ZDHHC20: variants seen among roughly 807,000 people sequenced by gnomAD.
The protein encoded by ZDHHC20 is palmitoyltransferase ZDHHC20.
In ZDHHC20, 43 loss-of-function variants were observed where a neutral mutation model predicts 57.8. The ratio of observed to expected loss-of-function variants is 0.74; its 90% confidence interval spans 0.58 to 0.96. The LOEUF is 0.96. ZDHHC20 is among the 40% of genes least tolerant of loss of function. ZDHHC20 has a pLI of 0.00. For missense variants in ZDHHC20, 391 were observed against 441.1 expected, an observed-to-expected ratio of 0.89 and a Z score of 1.02; for synonymous variants, 157 against 153.0, an observed-to-expected ratio of 1.03 and a Z score of -0.19.
At chr13:21,440,196 A>G (rs1288222590) in intron 1 of ZDHHC20, among the ~76,000 whole-genome samples, 1 of 142,332 alleles carries the variant, frequency 7.0e-6, no homozygotes, top group Non-Finnish European at 1.5e-5. Context: ...GAATGAGTGA[A>G]TGAATGAATG....
At chr13:21,433,755 T>A (rs1015376406) in intron 1 of ZDHHC20, among the ~76,000 whole-genome samples, 33 of 152,250 alleles carry the variant, frequency 2.2e-4, no homozygotes, top group African/African-American at 7.7e-4. Flanking sequence ...GGAGAAGTAA[T>A]GTCTTTGAAA....
chr13:21,431,838 T>C (rs1178568973), intron 1 of ZDHHC20, among the ~76,000 whole-genome samples: 2 of 152,256 alleles, frequency 1.3e-5, no homozygotes, highest in African/African-American at 2.4e-5. Context: ...GAGTTCTTCA[T>C]ATATTCTGGA....
chr13:21,386,608 G>GC (rs757599262), intron 9 of ZDHHC20, among the ~76,000 whole-genome samples: 2 of 152,136 alleles, frequency 1.3e-5, no homozygotes, highest in Non-Finnish European at 2.9e-5. Context: ...CAATGTGTTG[G>GC]CACCATCTCA....
intron 2 of ZDHHC20, among the ~76,000 whole-genome samples, chr13:21,424,348 AG>A (rs1156701832): frequency 6.6e-6 from 1 of 152,216 alleles, no homozygotes; most frequent in African/African-American, 2.4e-5. Flanking sequence ...CTCTGTGTTC[AG>A]AAGTTCAAAA....
intron 1 of ZDHHC20, among the ~76,000 whole-genome samples, chr13:21,445,347 G>C (rs1295862791): frequency 6.6e-6 from 1 of 152,018 alleles, no homozygotes; most frequent in Non-Finnish European, 1.5e-5. Context: ...TAACCTATGA[G>C]TCTTTGTTTT....
At chr13:21,403,142 G>A (rs558164630) in intron 4 of ZDHHC20, among the ~76,000 whole-genome samples, 10 of 152,178 alleles carry the variant, frequency 6.6e-5, no homozygotes, top group Middle Eastern at 3.4e-3. Context: ...CAAACACCAG[G>A]GTGAGTAGCA....
intron 8 of ZDHHC20, 128 bp downstream of exon 8, chr13:21,391,594 C>A: frequency 1.9e-6 from 2 of 1,026,446 alleles, no homozygotes; most frequent in Non-Finnish European, 2.7e-6. Flanking sequence ...TTATTAGGCA[C>A]GTGCCACCAA....
rs756337599 is a variant in ZDHHC20 at position 21,376,367 on chromosome 13, T to C, written c.*329A>G. The C allele has an allele frequency of 1.8e-4, 42 of 228,484 alleles. No homozygotes were observed. Among genetic ancestry groups the C allele is most frequent in the Admixed American group, 1.3e-3 (22 of 17,442 alleles). 14.2% of individuals were successfully genotyped at this position (228,484 alleles called of 1,614,324 possible). On this transcript the variant is annotated 3_prime_UTR_variant, in exon 13 of 13. Coordinates refer to ENST00000400590, the MANE Select transcript of ZDHHC20 (RefSeq NM_001330059.2). ...TCAGGTATCAAAAAATACATATGCATGTTAAAATGTGATGACAGCTCATAT... is the reference window on the plus strand; with the variant it reads ...TCAGGTATCAAAAAATACATATGCACGTTAAAATGTGATGACAGCTCATAT...
chr13:21,435,845 C>G lies in ZDHHC20; in HGVS notation c.119-10167G>C, dbSNP rs1882487229. On this transcript the variant is annotated intron_variant, in intron 1 of 12. Coordinates refer to ENST00000400590, the MANE Select transcript of ZDHHC20 (RefSeq NM_001330059.2). ...AGGTTGGGTTCTCTGGAATCAGATG[C>G]TAAGACAGAGTTTGGGGTGCAATGT... 3.3e-5 allele frequency among the ~76,000 whole-genome samples: 5 copies of G among 152,208 alleles called. No homozygotes were observed. The South Asian group carries it at 1.0e-3, about 31-fold the overall frequency.
intron 1 of ZDHHC20, among the ~76,000 whole-genome samples, chr13:21,434,462 TTCCTCA>T (rs1352474500): frequency 6.6e-6 from 1 of 152,228 alleles, no homozygotes; most frequent in African/African-American, 2.4e-5. Flanking sequence ...ACAAACATTA[TTCCTCA>T]TTTAGTCTTA....
chr13:21,420,104 T>C (rs1273041254), intron 3 of ZDHHC20, among the ~76,000 whole-genome samples: 1 of 152,046 alleles, frequency 6.6e-6, no homozygotes, highest in Non-Finnish European at 1.5e-5. Flanking sequence ...CTGACCAACA[T>C]GGGGAAATCC....
At position 21,456,995 on chromosome 13, in the gene ZDHHC20, C is replaced by T. The variant is rs9506684; in HGVS notation, c.118+2059G>A. Among the ~76,000 whole-genome samples the T allele has an allele frequency of 3.9e-5, 6 of 152,200 alleles. No individual in the cohort carries two copies. The South Asian group carries it at 1.0e-3, about 26-fold the overall frequency. On this transcript the variant is annotated intron_variant, in intron 1 of 12. Coordinates refer to ENST00000400590, the MANE Select transcript of ZDHHC20 (RefSeq NM_001330059.2). ...TGTGACCTAACCAAAAGGACCTATT[C>T]GCTCAGTCTCACGTCCTCCACCTGT... is the stretch of plus-strand genomic sequence containing the variant.
intron 1 of ZDHHC20, among the ~76,000 whole-genome samples, chr13:21,428,590 G>A (rs773017437): frequency 4.0e-5 from 6 of 151,814 alleles, no homozygotes; most frequent in Non-Finnish European, 7.4e-5. Flanking sequence ...ACTGGGCGTG[G>A]TGGCTCATGC....
rs1031167439 is a variant in ZDHHC20 at position 21,372,803 on chromosome 13, A to G, written c.*3893T>C. On this transcript the variant is annotated 3_prime_UTR_variant, in exon 13 of 13. Transcript: ENST00000400590. ...AACTGTACTTCAAATTTGTTTATAT[A>G]AAAGCATATTAAAGCTCACTTTAAA... is the stretch of plus-strand genomic sequence containing the variant. The G allele has an allele frequency of 1.3e-5, 2 of 152,196 alleles. No homozygotes were observed. Among genetic ancestry groups the G allele is most frequent in the African/African-American group, 4.8e-5 (2 of 41,468 alleles). The allele number at this position is 152,196 out of a possible 1,614,324, so 9.4% of individuals were successfully genotyped here. A position where few individuals can be genotyped will look rare whatever the true frequency, so the allele number is the denominator to read the frequency against.
At chr13:21,384,795 G>A (rs1283144760) in intron 9 of ZDHHC20, among the ~76,000 whole-genome samples, 1 of 152,066 alleles carries the variant, frequency 6.6e-6, no homozygotes, top group African/African-American at 2.4e-5. Context: ...TGGACTCAAC[G>A]TAATAAAGCT....
chr13:21,446,326 T>TA (rs1364241600), intron 1 of ZDHHC20, among the ~76,000 whole-genome samples: 5 of 152,210 alleles, frequency 3.3e-5, no homozygotes, highest in African/African-American at 1.2e-4. Context: ...CCCAGCAACA[T>TA]ACACTGTTAA....
At chr13:21,407,734 G>A (rs1878650340) in intron 4 of ZDHHC20, among the ~76,000 whole-genome samples, 4 of 152,142 alleles carry the variant, frequency 2.6e-5, no homozygotes, top group Admixed American at 2.6e-4. Context: ...TTTTCTTCTA[G>A]GGTTTTTATG....
chr13:21,410,791 T>C (rs952707156), intron 4 of ZDHHC20, among the ~76,000 whole-genome samples: 1 of 152,178 alleles, frequency 6.6e-6, no homozygotes, highest in Non-Finnish European at 1.5e-5. Context: ...TCTTAGCTTG[T>C]TGGGGTCTGT....
At chr13:21,403,232 T>C (rs1035973908) in intron 4 of ZDHHC20, among the ~76,000 whole-genome samples, 1 of 151,840 alleles carries the variant, frequency 6.6e-6, no homozygotes, top group South Asian at 2.1e-4. Flanking sequence ...TACAGTAATA[T>C]CAAAATTTAG....
Sources: allele counts gnomAD v4.1 joint callset (sites outside exome capture counted in the v4.1 genomes callset), GRCh38; gene constraint gnomAD v4.1.1; transcripts MANE v1.5; gene names NCBI Gene and HGNC (gene_info 2026-07-23, HGNC 2026-07-21).